The following TLE1 variants were observed in gnomAD, a reference collection of about 807,000 sequenced individuals.
TLE1 encodes transducin-like enhancer protein 1.
Under a neutral mutation model 89.8 loss-of-function variants are expected in TLE1, and 21 were observed. The ratio of observed to expected loss-of-function variants is 0.23; its 90% CI spans 0.17 to 0.34. The LOEUF is 0.34. Among genes scored for constraint, TLE1 ranks in the 10% least tolerant of loss-of-function variants. The pLI is 1.00. For missense variants in TLE1, 795 were observed against 1,031.2 expected (o/e 0.77, Z 3.14); for synonymous variants, 447 against 407.6 (o/e 1.10, Z -1.16).
rs1044105028 is a variant in TLE1 at position 81,670,474 on chromosome 9, C to T, written c.234+15202G>A. 1.4e-4 allele frequency among the ~76,000 whole-genome samples: 21 copies of T among 152,074 alleles called. No individual in the cohort carries two copies. In the East Asian group the frequency reaches 3.5e-3, roughly 25 times the overall value. On this transcript the variant is annotated intron_variant, in intron 4 of 19. Transcript: ENST00000376499. ...CCTAGTAGCTGGGACTACAGGCGTG[C>T]GCCACTGTGCCCAGCTTATTTTTGT... is the stretch of plus-strand genomic sequence containing the variant.
intron 5 of TLE1, among the ~76,000 whole-genome samples, 166 bp from the exon 6 acceptor site, chr9:81,652,454 GA>G (rs371864767): frequency 1.8e-3 from 274 of 152,272 alleles, no homozygotes; most frequent in African/African-American, 6.2e-3. Flanking sequence ...GATAGGGAAA[GA>G]AAAACTGAGA....
At chr9:81,675,708 GT>G (rs61458315) in intron 4 of TLE1, among the ~76,000 whole-genome samples, 31 of 132,434 alleles carry the variant, frequency 2.3e-4, no homozygotes, top group African/African-American at 5.4e-4. Flanking sequence ...GTTTTTTTTT[GT>G]TTTTTTTTTT....
chr9:81,588,989 C>T (rs1829040684), intron 16 of TLE1, among the ~76,000 whole-genome samples: 1 of 152,176 alleles, frequency 6.6e-6, no homozygotes, highest in African/African-American at 2.4e-5. Context: ...TGAACCATCA[C>T]TTTTAAAATC....
intron 9 of TLE1, among the ~76,000 whole-genome samples, chr9:81,619,955 T>G (rs1390143933): frequency 6.6e-6 from 1 of 152,344 alleles, no homozygotes; most frequent in South Asian, 2.1e-4. Flanking sequence ...AGAAGTACCA[T>G]GAGCCTATAT....
In TLE1 at chr9:81,630,585, T is replaced by C. The variant is rs528428454; in HGVS notation, c.594+2763A>G. Among the ~76,000 whole-genome samples the C allele has an allele frequency of 6.7e-4, 102 of 152,268 alleles. 2 individuals are homozygous for C. The South Asian group carries it at 0.02, about 30-fold the overall frequency. ...ACAAAAAGTTCTTCAGGGCCCTCAA[T>C]AATTTGATTTCAAGGGTATCAAGAT... On this transcript the variant is annotated intron_variant, in intron 8 of 19. Coordinates refer to ENST00000376499, the MANE Select transcript of TLE1 (RefSeq NM_005077.5).
chr9:81,624,233 T>A (rs1825645967), intron 8 of TLE1, among the ~76,000 whole-genome samples: 1 of 152,168 alleles, frequency 6.6e-6, no homozygotes. Context: ...ATGTCTTCCA[T>A]ACCAAAAATA....
intron 6 of TLE1, among the ~76,000 whole-genome samples, chr9:81,648,170 G>C (rs1472517231): frequency 1.3e-5 from 2 of 151,418 alleles, no homozygotes; most frequent in Admixed American, 6.6e-5. Context: ...TACTCGGGCG[G>C]CTGAGGCAGG....
intron 4 of TLE1, among the ~76,000 whole-genome samples, chr9:81,672,008 G>A (rs1296072488): frequency 6.6e-6 from 1 of 152,140 alleles, no homozygotes; most frequent in Non-Finnish European, 1.5e-5. Context: ...AGGCCAACTG[G>A]CAGGCTAGGG....
chr9:81,615,343 A>G (rs1824332391), intron 11 of TLE1, among the ~76,000 whole-genome samples: 1 of 150,482 alleles, frequency 6.6e-6, no homozygotes, highest in Non-Finnish European at 1.5e-5. Context: ...AAAAAAAAAA[A>G]GAATCTCAGA....
intron 5 of TLE1, among the ~76,000 whole-genome samples, chr9:81,653,221 G>A (rs1167666470): frequency 3.3e-5 from 5 of 152,150 alleles, no homozygotes; most frequent in African/African-American, 9.7e-5. Context: ...GGAGCAACAG[G>A]TGCCAACCAG....
chr9:81,586,642 G>A (rs1421260256), intron 17 of TLE1, among the ~76,000 whole-genome samples: 1 of 152,184 alleles, frequency 6.6e-6, no homozygotes, highest in Non-Finnish European at 1.5e-5. Flanking sequence ...CAGTGTCTGG[G>A]GGTGGGAACG....
intron 6 of TLE1, among the ~76,000 whole-genome samples, chr9:81,648,857 C>CTAA (rs1266926634): frequency 3.3e-5 from 5 of 152,284 alleles, no homozygotes; most frequent in Non-Finnish European, 7.4e-5. Context: ...CGATCCTGAT[C>CTAA]TAAAAACTCA....
intron 6 of TLE1, among the ~76,000 whole-genome samples, chr9:81,644,707 A>G (rs562228757): frequency 6.6e-6 from 1 of 152,164 alleles, no homozygotes; most frequent in East Asian, 1.9e-4. Flanking sequence ...AAAAAAGACG[A>G]ATTTGGCCAG....
At chr9:81,640,202 T>G (rs947673) in intron 6 of TLE1, among the ~76,000 whole-genome samples, 140,268 of 152,140 alleles carry the variant, frequency 0.92, 64,695 homozygotes, top group African/African-American at 0.95. Context: ...CCTAAGCTGA[T>G]ATTCTGTGCC....
At chr9:81,622,411 G>C (rs1825381468) in intron 8 of TLE1, among the ~76,000 whole-genome samples, 1 of 152,036 alleles carries the variant, frequency 6.6e-6, no homozygotes, top group Non-Finnish European at 1.5e-5. Context: ...CAAGCCACAG[G>C]GCCATTCCAA....
intron 14 of TLE1, among the ~76,000 whole-genome samples, chr9:81,608,395 T>C (rs1335216462): frequency 1.3e-5 from 2 of 152,070 alleles, no homozygotes; most frequent in African/African-American, 4.8e-5. Context: ...ACGCCTGTAG[T>C]CTTAGCTACT....
Position 81,634,131 on chromosome 9 carries a change from A to G in TLE1, c.543T>C (p.Asp181=). The G allele has an allele frequency of 6.2e-7, 1 of 1,609,106 alleles. No homozygotes were observed. The highest frequency in any genetic ancestry group is 2.2e-5 in the East Asian group (1 of 44,842). The change falls in exon 7 of 20, where the codon GAT becomes GAC. Residue 181 remains aspartate, a synonymous_variant. Coordinates refer to ENST00000376499, the MANE Select transcript of TLE1 (RefSeq NM_005077.5). ...GCTCTGCATCGTGGTGCTTCTTGTC[A>G]TCTTTTATTGCCAAGTGAGACTGCC... ...LSGQSHLAIK[D]DKKHHDAEHH...
chr9:81,609,343 C>T (rs1823409648), intron 14 of TLE1, among the ~76,000 whole-genome samples: 3 of 152,184 alleles, frequency 2.0e-5, no homozygotes, highest in Admixed American at 2.0e-4. Flanking sequence ...CCTCAGCCTC[C>T]CAAAGTGCTA....
chr9:81,656,027 G>A (rs1028298515), intron 4 of TLE1, among the ~76,000 whole-genome samples: 1 of 152,134 alleles, frequency 6.6e-6, no homozygotes, highest in African/African-American at 2.4e-5. Context: ...GACCACCAAT[G>A]AGACAAGGTT....
Sources: allele counts gnomAD v4.1 joint callset (sites outside exome capture counted in the v4.1 genomes callset), GRCh38; gene constraint gnomAD v4.1.1; transcripts MANE v1.5; gene names NCBI Gene and HGNC (gene_info 2026-07-23, HGNC 2026-07-21).